R3HDM2: variants seen among roughly 807,000 people sequenced by gnomAD.
The protein encoded by R3HDM2 is R3H domain-containing protein 2.
Under a neutral mutation model 124.5 loss-of-function variants are expected in R3HDM2, and 38 were observed. The observed-to-expected ratio is 0.31, with a 90% CI of 0.24 to 0.40. R3HDM2 has a LOEUF of 0.40. R3HDM2 is among the 10% of genes least tolerant of loss of function. The pLI is 1.00. For synonymous variants in R3HDM2, 391 were observed against 448.0 expected (o/e 0.87, Z 1.61); for missense variants, 869 against 1,236.9 (o/e 0.70, Z 4.46).
intron 1 of R3HDM2, among the ~76,000 whole-genome samples, chr12:57,404,221 C>T (rs1412890978): frequency 1.3e-5 from 2 of 151,290 alleles, no homozygotes; most frequent in South Asian, 2.1e-4. Context: ...TGCGCCACAA[C>T]GCCCAGCTAA....
At chr12:57,271,018 G>A (rs1286149222) in intron 14 of R3HDM2, among the ~76,000 whole-genome samples, 1 of 152,116 alleles carries the variant, frequency 6.6e-6, no homozygotes, top group East Asian at 1.9e-4. Flanking sequence ...CCATAAAAAG[G>A]CCCCTACATT....
intron 2 of R3HDM2, among the ~76,000 whole-genome samples, chr12:57,382,907 G>A (rs991184034): frequency 6.6e-6 from 1 of 151,964 alleles, no homozygotes; most frequent in Non-Finnish European, 1.5e-5. Context: ...TCTCGCTCTT[G>A]TTGCCCAGTC....
chr12:57,425,001 G>A (rs978184101), intron 1 of R3HDM2, among the ~76,000 whole-genome samples: 4 of 152,204 alleles, frequency 2.6e-5, no homozygotes, highest in African/African-American at 7.2e-5. Flanking sequence ...AGTCAGGTGC[G>A]GTGGCTCACG....
chr12:57,271,306 C>A (rs2043534019), intron 14 of R3HDM2, among the ~76,000 whole-genome samples: 1 of 152,170 alleles, frequency 6.6e-6, no homozygotes, highest in African/African-American at 2.4e-5. Flanking sequence ...ACTGACTGGC[C>A]AGGCTGTAAT....
At chr12:57,275,455 A>G (rs2044453763) in intron 14 of R3HDM2, among the ~76,000 whole-genome samples, 1 of 152,052 alleles carries the variant, frequency 6.6e-6, no homozygotes, top group Admixed American at 6.6e-5. Flanking sequence ...CAATAAAAAC[A>G]AAGATAAATA....
chr12:57,318,706 C>CAAT (rs1337629400), intron 2 of R3HDM2, among the ~76,000 whole-genome samples: 4 of 151,738 alleles, frequency 2.6e-5, no homozygotes, highest in Non-Finnish European at 4.4e-5. Flanking sequence ...GGGAGACAGG[C>CAAT]AATAATAATA....
At chr12:57,312,884 G>A (rs537334078) in intron 2 of R3HDM2, among the ~76,000 whole-genome samples, 5 of 134,660 alleles carry the variant, frequency 3.7e-5, no homozygotes, top group East Asian at 4.4e-4. Flanking sequence ...AGCCAAGGTC[G>A]CACCACTGCA....
At chr12:57,278,301 T>TTC (rs1445006797) in intron 14 of R3HDM2, among the ~76,000 whole-genome samples, 2 of 151,988 alleles carry the variant, frequency 1.3e-5, no homozygotes, top group Non-Finnish European at 2.9e-5. Context: ...GAGTAGAAGA[T>TTC]TGGGGTTTAG....
intron 1 of R3HDM2, among the ~76,000 whole-genome samples, chr12:57,426,125 G>A (rs913616855): frequency 6.6e-6 from 1 of 152,180 alleles, no homozygotes; most frequent in Non-Finnish European, 1.5e-5. Context: ...CTACTTGGGA[G>A]GCTGAGGTAG....
intron 1 of R3HDM2, among the ~76,000 whole-genome samples, chr12:57,413,460 G>A (rs1429067044): frequency 6.6e-6 from 1 of 150,774 alleles, no homozygotes; most frequent in Non-Finnish European, 1.5e-5. Context: ...AGCAGGCTGG[G>A]CACAGTGGCT....
At chr12:57,355,483 A>G (rs1430516863) in intron 2 of R3HDM2, among the ~76,000 whole-genome samples, 1 of 151,658 alleles carries the variant, frequency 6.6e-6, no homozygotes, top group Admixed American at 6.6e-5. Context: ...GAAAGAAAAA[A>G]AAAAGAAAGA....
chr12:57,366,424 T>C (rs1406231235), intron 2 of R3HDM2, among the ~76,000 whole-genome samples: 1 of 152,256 alleles, frequency 6.6e-6, no homozygotes, highest in Admixed American at 6.5e-5. Flanking sequence ...TCCTGGGCAC[T>C]ATATTTCTCA....
At chr12:57,381,661 G>A (rs931937904) in intron 2 of R3HDM2, among the ~76,000 whole-genome samples, 3 of 151,888 alleles carry the variant, frequency 2.0e-5, no homozygotes, top group African/African-American at 7.3e-5. Flanking sequence ...ATAACTTACT[G>A]AGAGAAGGAA....
chr12:57,254,689 C>CTCTG lies in R3HDM2; in HGVS notation c.*80_*83dup. ...TAACATCAGTTTCCTTACTTCCTGCCTCTGTCCATGGTCTGTCAGGATCCT... is the reference window on the plus strand; with the variant it reads ...TAACATCAGTTTCCTTACTTCCTGCCTCTGTCTGTCCATGGTCTGTCAGGATCCT... On this transcript the variant is annotated 3_prime_UTR_variant, in exon 24 of 24. Transcript: ENST00000402412. 1 of 1,230,140 alleles carries CTCTG rather than the reference C, an allele frequency of 8.1e-7. No individual in the cohort carries two copies. The highest frequency in any genetic ancestry group is 1.1e-6 in the Non-Finnish European group (1 of 887,562). 76.2% of individuals were successfully genotyped at this position (1,230,140 alleles called of 1,614,324 possible).
intron 2 of R3HDM2, among the ~76,000 whole-genome samples, chr12:57,390,775 G>A: frequency 6.6e-6 from 1 of 152,110 alleles, no homozygotes; most frequent in East Asian, 1.9e-4. Flanking sequence ...ACTTTGGGAG[G>A]TGAGGCGGGT....
At chr12:57,334,507 A>T (rs2058612744) in intron 2 of R3HDM2, among the ~76,000 whole-genome samples, 1 of 151,884 alleles carries the variant, frequency 6.6e-6, no homozygotes, top group Non-Finnish European at 1.5e-5. Flanking sequence ...AGCATTTTCC[A>T]TAGAAACTGC....
At chr12:57,333,857 G>A (rs1487207636) in intron 2 of R3HDM2, among the ~76,000 whole-genome samples, 2 of 151,312 alleles carry the variant, frequency 1.3e-5, no homozygotes, top group African/African-American at 4.9e-5. Context: ...CCTGGCTAAC[G>A]TGGCGAAACC....
intron 1 of R3HDM2, among the ~76,000 whole-genome samples, chr12:57,402,039 T>C (rs2672570): frequency 1.3e-5 from 2 of 149,582 alleles, no homozygotes; most frequent in Non-Finnish European, 3.0e-5. Flanking sequence ...TTACACCTGT[T>C]ATCCCAGCGC....
chr12:57,420,920 A>G (rs959543738), intron 1 of R3HDM2, among the ~76,000 whole-genome samples: 2 of 152,086 alleles, frequency 1.3e-5, no homozygotes, highest in Non-Finnish European at 2.9e-5. Context: ...GCATTTCCAT[A>G]TGGTTCCACA....
Sources: gnomAD v4.1 joint callset for allele counts (sites outside exome capture counted in the v4.1 genomes callset) on GRCh38, gnomAD v4.1.1 for gene constraint, MANE v1.5 for transcripts, NCBI Gene and HGNC (gene_info 2026-07-23, HGNC 2026-07-21) for gene names.